The following DMD variants were observed in gnomAD, a reference collection of about 807,000 sequenced individuals.
DMD encodes the protein dystrophin.
Under a neutral mutation model 330.1 loss-of-function variants are expected in DMD, and 63 were observed. The observed-to-expected ratio is 0.19, with a 90% confidence interval of 0.16 to 0.24. The LOEUF is 0.24. DMD is among the 10% of genes least tolerant of loss of function. The probability of loss-of-function intolerance (pLI) is 1.00; values close to 1 mark genes in which losing one functional copy is unlikely to be tolerated. For missense variants in DMD, 3,344 were observed against 2,684.1 expected (o/e 1.25, Z -5.43); for synonymous variants, 1,223 against 959.8 (o/e 1.27, Z -5.07).
chrX:32,115,788 T>C (rs1304106315), intron 44 of DMD, among the ~76,000 whole-genome samples: 1 of 111,668 alleles, frequency 9.0e-6, no homozygotes, highest in East Asian at 2.8e-4. Context: ...TCCTGTCAGC[T>C]TTGTCTTTAA....
At chrX:33,226,373 A>T in intron 1 of DMD, among the ~76,000 whole-genome samples, 1 of 112,038 alleles carries the variant, frequency 8.9e-6, no homozygotes, top group East Asian at 2.8e-4. Context: ...ACCATGGAAT[A>T]CTACTCAGCA....
chrX:31,361,770 C>CTTTTTTTT (rs1174751121), intron 60 of DMD, among the ~76,000 whole-genome samples: 1 of 93,452 alleles, frequency 1.1e-5, no homozygotes, highest in Non-Finnish European at 2.1e-5. Flanking sequence ...CTCTTACCAT[C>CTTTTTTTT]TTTTTTTTTT....
At chrX:32,632,181 G>T (rs2058776494) in intron 11 of DMD, among the ~76,000 whole-genome samples, 1 of 112,122 alleles carries the variant, frequency 8.9e-6, no homozygotes, top group African/African-American at 3.2e-5. Context: ...AAACCCAGCA[G>T]GGTAGTCATT....
At chrX:31,404,026 A>G (rs897576620) in intron 60 of DMD, among the ~76,000 whole-genome samples, 4 of 109,943 alleles carry the variant, frequency 3.6e-5, no homozygotes, top group Non-Finnish European at 7.6e-5. Context: ...CTCCCTTCCT[A>G]CCCCCAGCCT....
intron 9 of DMD, among the ~76,000 whole-genome samples, chrX:32,671,015 A>G (rs1050672888): frequency 2.7e-5 from 3 of 111,051 alleles, no homozygotes; most frequent in Non-Finnish European, 1.9e-5. Context: ...CCTAACCCAA[A>G]GCATCGCAAA....
intron 18 of DMD, among the ~76,000 whole-genome samples, chrX:32,512,822 G>A (rs1004465964): frequency 2.7e-5 from 3 of 111,735 alleles, no homozygotes; most frequent in Non-Finnish European, 3.8e-5. Flanking sequence ...GTTAGAAAAA[G>A]CTTATTTTAA....
At chrX:32,342,389 A>AT in intron 40 of DMD, 107 bp from the exon 41 acceptor site, 2 of 847,089 alleles carry the variant, frequency 2.4e-6, no homozygotes, top group Non-Finnish European at 3.4e-6. Context: ...TTGTCCCTTT[A>AT]TTGTCATCCT....
intron 32 of DMD, 84 bp from the exon 33 acceptor site, chrX:32,386,549 C>T (rs1367215013): frequency 3.5e-6 from 3 of 848,173 alleles, no homozygotes; most frequent in Admixed American, 2.8e-5. Flanking sequence ...AATAGAGATC[C>T]CCTTAATTGC....
At chrX:32,340,697 T>G (rs2148803991) in intron 41 of DMD, among the ~76,000 whole-genome samples, 1 of 112,157 alleles carries the variant, frequency 8.9e-6, no homozygotes, top group African/African-American at 3.2e-5. Context: ...GAGGTGAAAC[T>G]ATTTTATTAG....
rs187387873 is a variant in DMD at position 32,760,611 on chromosome X, T to C, written c.649+48882A>G. ...GTTCAATAAATGCTTGGTGAATGAA[T>C]TGGTGAAAATAACTTATGAATTATG... On this transcript the variant is annotated intron_variant, in intron 7 of 78. Transcript: ENST00000357033. Among the ~76,000 whole-genome samples, 356 of 111,974 alleles carry C rather than the reference T, an allele frequency of 3.2e-3. 3 individuals carry two copies. The highest frequency in any genetic ancestry group is 0.011 in the African/African-American group (325 of 30,862).
chrX:32,809,166 G>A (rs2077162467), intron 7 of DMD, among the ~76,000 whole-genome samples: 2 of 111,453 alleles, frequency 1.8e-5, no homozygotes, highest in South Asian at 7.5e-4. Context: ...AAATCTCTTG[G>A]TAGCATAAGC....
At chrX:31,216,775 G>A in intron 64 of DMD, among the ~76,000 whole-genome samples, 1 of 111,568 alleles carries the variant, frequency 9.0e-6, no homozygotes, top group Non-Finnish European at 1.9e-5. Context: ...CCATCAAAAG[G>A]TGAGGTGCAT....
At chrX:32,629,647 G>A (rs1231449898) in intron 11 of DMD, among the ~76,000 whole-genome samples, 3 of 110,157 alleles carry the variant, frequency 2.7e-5, no homozygotes, top group African/African-American at 9.9e-5. Context: ...AATTTTCTCT[G>A]GTCATATGTT....
intron 45 of DMD, among the ~76,000 whole-genome samples, chrX:31,962,792 G>T (rs961855410): frequency 9.9e-5 from 11 of 111,307 alleles, no homozygotes; most frequent in Non-Finnish European, 1.9e-4. Context: ...GAGAGTCAAG[G>T]TCTAAACTGG....
chrX:33,108,029 G>T (rs1281861584), intron 1 of DMD, among the ~76,000 whole-genome samples: 2 of 111,335 alleles, frequency 1.8e-5, no homozygotes, highest in Admixed American at 1.9e-4. Flanking sequence ...AATTATGCTA[G>T]ATATTGTATC....
intron 44 of DMD, among the ~76,000 whole-genome samples, chrX:32,215,380 C>G (rs767312970): frequency 4.7e-4 from 52 of 111,016 alleles, no homozygotes; most frequent in Non-Finnish European, 8.5e-4. Context: ...ATGAAGAAAA[C>G]TACACCAAGT....
chrX:32,162,590 C>CTTTTTTT (rs3040088), intron 44 of DMD, among the ~76,000 whole-genome samples: 1 of 43,241 alleles, frequency 2.3e-5, no homozygotes, highest in Non-Finnish European at 3.9e-5. Flanking sequence ...AAGCAACAAG[C>CTTTTTTT]TTTTTTTTTT....
At chrX:31,938,467 T>C (rs2094951800) in intron 45 of DMD, among the ~76,000 whole-genome samples, 1 of 112,047 alleles carries the variant, frequency 8.9e-6, no homozygotes, top group South Asian at 3.6e-4. Context: ...AATTATATAG[T>C]ACAAAATATT....
At chrX:32,702,141 T>C (rs1436389941) in intron 7 of DMD, among the ~76,000 whole-genome samples, 1 of 112,195 alleles carries the variant, frequency 8.9e-6, no homozygotes, top group Non-Finnish European at 1.9e-5. Flanking sequence ...AGATAGAAAA[T>C]TCATGAATTC....
Sources: gnomAD v4.1 joint callset for allele counts (sites outside exome capture counted in the v4.1 genomes callset) on GRCh38, gnomAD v4.1.1 for gene constraint, MANE v1.5 for transcripts, NCBI Gene and HGNC (gene_info 2026-07-23, HGNC 2026-07-21) for gene names.